The following FBN2 variants were observed in gnomAD, a reference collection of about 807,000 sequenced individuals.
The protein encoded by FBN2 is fibrillin 2.
Under a neutral mutation model 355.6 loss-of-function variants are expected in FBN2, and 105 were observed. The observed-to-expected ratio is 0.30, with a 90% confidence interval of 0.25 to 0.35. FBN2 has a LOEUF of 0.35. FBN2 is among the 10% of genes least tolerant of loss of function. The pLI, the probability that FBN2 is intolerant of heterozygous loss-of-function variation, is 1.00. For synonymous variants in FBN2, 1,350 were observed against 1,301.2 expected, an observed-to-expected ratio of 1.04 and a Z score of -0.81; for missense variants, 3,280 against 3,758.7, an observed-to-expected ratio of 0.87 and a Z score of 3.33.
intron 25 of FBN2, 62 bp from the exon 26 acceptor site, chr5:128,339,123 G>A (rs529938160): frequency 1.1e-5 from 17 of 1,560,460 alleles, no homozygotes; most frequent in South Asian, 2.2e-5. Context: ...CCTTCCAAGC[G>A]AAGGTGCTGC....
rs1750619785 is a variant in FBN2 at position 128,328,759 on chromosome 5, C to A, written c.4408G>T (p.Gly1470Cys). The A allele has an allele frequency of 1.2e-6, 2 of 1,613,926 alleles. No homozygotes were observed. Among genetic ancestry groups the A allele is most frequent in the South Asian group, 2.2e-5 (2 of 91,082 alleles). Residue 1470 changes from glycine (G) to cysteine (C), a missense_variant, in exon 34 of 65, where the codon GGT becomes TGT. Gly to Cys is a radical substitution (Grantham distance 159). Transcript: ENST00000262464. ...CENGQCLNVPGAYRCECEMGF... is the reference protein window; with the variant it reads ...CENGQCLNVPCAYRCECEMGF... ...ATCTCACACTCGCAGCGATATGCAC[C>A]CGGGACATTAAGGCACTGTCCGTTC...
intron 62 of FBN2, 82 bp downstream of exon 62, chr5:128,271,917 T>A: frequency 1.3e-6 from 2 of 1,538,196 alleles, no homozygotes; most frequent in East Asian, 4.5e-5. Context: ...TACTGAAATC[T>A]CAACCCTCAC....
intron 19 of FBN2, 130 bp from the exon 20 acceptor site, chr5:128,357,525 G>A: frequency 1.8e-6 from 2 of 1,083,590 alleles, no homozygotes; most frequent in Non-Finnish European, 1.4e-6. Flanking sequence ...GATCTATGAA[G>A]CATAAAGTGA....
At chr5:128,288,302 C>A in intron 53 of FBN2, 136 bp downstream of exon 53, 1 of 972,696 alleles carries the variant, frequency 1.0e-6, no homozygotes. Context: ...ACCAACCAAA[C>A]AAAAAACCCA....
chr5:128,496,177 C>T (rs2127132953), intron 5 of FBN2, among the ~76,000 whole-genome samples: 1 of 152,166 alleles, frequency 6.6e-6, no homozygotes, highest in African/African-American at 2.4e-5. Context: ...CTTCTCCAGT[C>T]ACTCTATGAG....
chr5:128,291,404 A>G, intron 49 of FBN2, 125 bp downstream of exon 49: 1 of 1,078,022 alleles, frequency 9.3e-7, no homozygotes, highest in South Asian at 1.3e-5. Flanking sequence ...CTAAATTTTT[A>G]ACTTGCAGAT....
chr5:128,384,986 T>G (rs563974929), intron 11 of FBN2, among the ~76,000 whole-genome samples: 1 of 152,174 alleles, frequency 6.6e-6, no homozygotes, highest in Non-Finnish European at 1.5e-5. Flanking sequence ...ATGGGTTCTT[T>G]GGCTATCCCT....
intron 6 of FBN2, among the ~76,000 whole-genome samples, chr5:128,450,935 A>G (rs1412604035): frequency 6.6e-6 from 1 of 152,204 alleles, no homozygotes; most frequent in African/African-American, 2.4e-5. Context: ...AGAAAATTAA[A>G]GAAATAACCA....
rs372872626 is a variant in FBN2 at position 128,361,769 on chromosome 5, C to T, written c.2508G>A (p.Thr836=). Reference sequence around the variant, plus strand: ...TCCTGAACACATACCCTGGTGGGCACGTACAGCTGTAACTTCCTGGCGTGT... The same window carrying T: ...TCCTGAACACATACCCTGGTGGGCATGTACAGCTGTAACTTCCTGGCGTGT... ...CRNTPGSYSC[T]CPPGYVFRTE... is the part of the protein sequence containing the mutation. The change falls in exon 19 of 65, where the codon ACG becomes ACA. Residue 836 remains threonine, a synonymous_variant. Coordinates refer to ENST00000262464, the MANE Select transcript of FBN2 (RefSeq NM_001999.4). 1.0e-4 allele frequency: 165 copies of T among 1,613,972 alleles called. No homozygotes were observed. The highest frequency in any genetic ancestry group is 1.5e-4 in the Admixed American group (9 of 59,998).
chr5:128,310,008 C>G lies in FBN2; in HGVS notation c.5175G>C (p.Gln1725His). ...CCATGCAGTTGTGGCCTCCATTGACCTGCATGTACTCAGGTGGGCAAATGC... is the reference window on the plus strand; with the variant it reads ...CCATGCAGTTGTGGCCTCCATTGACGTGCATGTACTCAGGTGGGCAAATGC... ...YTCICPPEYM[Q>H]VNGGHNCMDM... The change falls in exon 40 of 65, where the codon CAG becomes CAC. Residue 1725 changes from glutamine to histidine, a missense_variant. This residue lies in a region of FBN2 where 2,284 missense variants were observed against 2,749.5 expected (regional missense o/e 0.83). Coordinates refer to ENST00000262464, the MANE Select transcript of FBN2 (RefSeq NM_001999.4). 6.2e-7 allele frequency: 1 copy of G among 1,613,990 alleles called. No individual in the cohort carries two copies. The highest frequency in any genetic ancestry group is 8.5e-7 in the Non-Finnish European group (1 of 1,179,920).
intron 58 of FBN2, among the ~76,000 whole-genome samples, chr5:128,276,478 T>C (rs1053008818): frequency 6.6e-6 from 1 of 152,202 alleles, no homozygotes; most frequent in Non-Finnish European, 1.5e-5. Flanking sequence ...TCTCTGTTTT[T>C]GACCCATGGA....
rs1401968209 is a variant in FBN2, at chr5:128,316,889, T to C, written c.4717+1260A>G. Among the ~76,000 whole-genome samples the C allele has an allele frequency of 2.6e-5, 4 of 152,238 alleles. No individual in the cohort carries two copies. In the East Asian group the frequency reaches 7.7e-4, roughly 29 times the overall value. ...CCCAGTGAGTCAGAATTTCTGAGGG[T>C]GTAACAGGCATCAATATCTTTTCCA... is the stretch of plus-strand genomic sequence containing the variant. On this transcript the variant is annotated intron_variant, in intron 36 of 64. Coordinates refer to ENST00000262464, the MANE Select transcript of FBN2 (RefSeq NM_001999.4).
chr5:128,272,914 T>A (rs981669886), intron 61 of FBN2, among the ~76,000 whole-genome samples: 1 of 152,144 alleles, frequency 6.6e-6, no homozygotes, highest in Non-Finnish European at 1.5e-5. Flanking sequence ...CTCAACGATT[T>A]GAAAGATAAA....
At chr5:128,437,819 T>TAGACAGACAGACAGAC (rs71575718) in intron 7 of FBN2, among the ~76,000 whole-genome samples, 2 of 107,994 alleles carry the variant, frequency 1.9e-5, no homozygotes, top group African/African-American at 6.7e-5. Flanking sequence ...GATAGATAGA[T>TAGACAGACAGACAGAC]AGACAGACAG....
rs180697293 is a variant in FBN2 at position 128,324,927 on chromosome 5, G to A, written c.4471+3769C>T. Among the ~76,000 whole-genome samples the A allele has an allele frequency of 5.9e-5, 9 of 152,264 alleles. No individual in the cohort carries two copies. In the East Asian group the frequency reaches 1.7e-3, roughly 29 times the overall value. The stretch of plus-strand genomic sequence containing the variant: ...AGCCACTGCGCTCGGCCATGAGTGA[G>A]TTTCTTAACCCTGAGTTCTAATTTG... On this transcript the variant is annotated intron_variant, in intron 34 of 64. Coordinates refer to ENST00000262464, the MANE Select transcript of FBN2 (RefSeq NM_001999.4).
intron 63 of FBN2, 62 bp downstream of exon 63, chr5:128,263,363 T>A (rs1444927483): frequency 2.5e-5 from 31 of 1,219,766 alleles, no homozygotes; most frequent in Non-Finnish European, 3.8e-5. Flanking sequence ...CAGTGGGGGG[T>A]GGCCTGAACT....
Position 128,417,608 on chromosome 5 carries a change from A to T in FBN2, c.953-8809T>A, listed in dbSNP as rs114786236. Among the ~76,000 whole-genome samples the T allele has an allele frequency of 6.4e-3, 975 of 152,254 alleles. 11 individuals carry two copies. The highest frequency in any genetic ancestry group is 0.022 in the African/African-American group (914 of 41,558). On this transcript the variant is annotated intron_variant, in intron 7 of 64. Coordinates refer to ENST00000262464, the MANE Select transcript of FBN2 (RefSeq NM_001999.4). ...TTTTCCTGCATCTATTGAGATGATC[A>T]TATGGTTTTCATCCTTCATTCTGCT...
At chr5:128,301,198 C>A (rs1023589876) in intron 47 of FBN2, among the ~76,000 whole-genome samples, 184 bp downstream of exon 47, 3 of 152,204 alleles carry the variant, frequency 2.0e-5, no homozygotes, top group African/African-American at 7.2e-5. Context: ...AGTAAAAACA[C>A]TGCCTATGAG....
At chr5:128,348,217 ATAT>A (rs1001442465) in intron 23 of FBN2, among the ~76,000 whole-genome samples, 22 of 152,114 alleles carry the variant, frequency 1.4e-4, no homozygotes, top group African/African-American at 5.1e-4. Flanking sequence ...GGCCATACTG[ATAT>A]TATTATTTTT....
Sources: allele counts gnomAD v4.1 joint callset (sites outside exome capture counted in the v4.1 genomes callset), GRCh38; gene constraint gnomAD v4.1.1; regional missense constraint gnomAD v4.1.1; transcripts MANE v1.5; gene names NCBI Gene and HGNC (gene_info 2026-07-23, HGNC 2026-07-21).